Variants in TBC1D19 observed in about 807,000 individuals in gnomAD.
TBC1D19 encodes TBC1 domain family member 19.
A neutral mutation model predicts 89.0 loss-of-function variants in TBC1D19; 60 were observed. That is an observed-to-expected ratio of 0.67 (90% CI 0.55 to 0.84). The LOEUF (loss-of-function observed/expected upper bound fraction) is 0.84. Among genes scored for constraint, TBC1D19 ranks in the 40% least tolerant of loss-of-function variants. The pLI is 0.00. For synonymous variants in TBC1D19, 189 were observed against 199.7 expected, an observed-to-expected ratio of 0.95 and a Z score of 0.45; for missense variants, 500 against 610.8, an observed-to-expected ratio of 0.82 and a Z score of 1.91.
the TBC1D19 span, among the ~76,000 whole-genome samples, chr4:26,788,602 T>C: frequency 6.6e-6 from 1 of 152,192 alleles, no homozygotes; most frequent in Admixed American, 6.5e-5. Context: ...ATTAGGCCTC[T>C]TTCTGCTGCC....
chr4:26,822,623 G>A, the TBC1D19 span, among the ~76,000 whole-genome samples: 2 of 152,016 alleles, frequency 1.3e-5, no homozygotes, highest in African/African-American at 4.8e-5. Flanking sequence ...TGATTGTTTC[G>A]ACCCCTCTTG....
chr4:26,707,755 A>G (rs1715851697), intron 13 of TBC1D19, among the ~76,000 whole-genome samples: 1 of 151,918 alleles, frequency 6.6e-6, no homozygotes. Context: ...ATTATATTTA[A>G]CAACCTAAAA....
upstream of TBC1D19, among the ~76,000 whole-genome samples, chr4:26,579,920 C>A (rs551735007): frequency 6.6e-6 from 1 of 152,250 alleles, no homozygotes; most frequent in Non-Finnish European, 1.5e-5. Flanking sequence ...ATACGCTAAG[C>A]ATGGTAGAAT....
chr4:26,795,049 C>T, the TBC1D19 span, among the ~76,000 whole-genome samples: 17 of 152,314 alleles, frequency 1.1e-4, no homozygotes, highest in Middle Eastern at 6.8e-3. Context: ...TCATGCCATG[C>T]CTCTGTTCAG....
chr4:26,588,882 A>G (rs1240547773), intron 1 of TBC1D19, among the ~76,000 whole-genome samples: 2 of 152,208 alleles, frequency 1.3e-5, no homozygotes, highest in African/African-American at 4.8e-5. Context: ...TAGGTCTAGT[A>G]GGCAATTTTG....
the TBC1D19 span, among the ~76,000 whole-genome samples, chr4:26,826,137 A>T: frequency 6.6e-6 from 1 of 152,198 alleles, no homozygotes; most frequent in Non-Finnish European, 1.5e-5. Context: ...AGGAGGCAGA[A>T]GTTGCAGTGA....
intron 1 of TBC1D19, among the ~76,000 whole-genome samples, chr4:26,585,919 G>A (rs574249860): frequency 6.6e-6 from 1 of 151,994 alleles, no homozygotes; most frequent in South Asian, 2.1e-4. Flanking sequence ...TTCTCAACTG[G>A]GTCTTTGAAA....
intron 4 of TBC1D19, among the ~76,000 whole-genome samples, chr4:26,630,650 T>G (rs1460321098): frequency 6.6e-6 from 1 of 152,026 alleles, no homozygotes; most frequent in Non-Finnish European, 1.5e-5. Context: ...TCTCATCTCC[T>G]TTTGCTCCAG....
At chr4:26,732,504 A>T (rs1466433067) in intron 15 of TBC1D19, among the ~76,000 whole-genome samples, 1 of 152,192 alleles carries the variant, frequency 6.6e-6, no homozygotes, top group Non-Finnish European at 1.5e-5. Context: ...GGCACATCGC[A>T]GGGACACAGC....
chr4:26,749,499 T>C (rs1718836818), intron 19 of TBC1D19, among the ~76,000 whole-genome samples: 1 of 143,010 alleles, frequency 7.0e-6, no homozygotes, highest in Non-Finnish European at 1.5e-5. Context: ...CAACCTGGGG[T>C]ACAGTGGCAT....
At chr4:26,699,942 A>G (rs1715173297) in intron 13 of TBC1D19, among the ~76,000 whole-genome samples, 1 of 152,076 alleles carries the variant, frequency 6.6e-6, no homozygotes, top group Admixed American at 6.6e-5. Context: ...CAGCAAACCA[A>G]CATGGCACAT....
At chr4:26,825,388 C>T in the TBC1D19 span, among the ~76,000 whole-genome samples, 4 of 152,152 alleles carry the variant, frequency 2.6e-5, no homozygotes, top group Admixed American at 6.5e-5. Flanking sequence ...TGAGCCACCA[C>T]GCCTGGCTGA....
chr4:26,773,780 G>T, the TBC1D19 span, among the ~76,000 whole-genome samples: 2 of 152,178 alleles, frequency 1.3e-5, no homozygotes, highest in Non-Finnish European at 2.9e-5. Context: ...GTTTGTAGGT[G>T]TGTGGTCTTA....
chr4:26,685,878 G>A (rs1713768896), intron 12 of TBC1D19, among the ~76,000 whole-genome samples: 1 of 152,180 alleles, frequency 6.6e-6, no homozygotes, highest in Admixed American at 6.5e-5. Flanking sequence ...CTAAAAAAAA[G>A]TAAGGAGTGC....
chr4:26,852,488 T>G, the TBC1D19 span, among the ~76,000 whole-genome samples: 20 of 152,200 alleles, frequency 1.3e-4, no homozygotes, highest in Admixed American at 2.0e-4. Flanking sequence ...GCCCGAGAAG[T>G]CAAGGCTGCA....
intron 11 of TBC1D19, among the ~76,000 whole-genome samples, chr4:26,676,674 G>A (rs1206198552): frequency 1.0e-4 from 15 of 150,074 alleles, no homozygotes; most frequent in East Asian, 2.0e-4. Flanking sequence ...AGCAGAGATC[G>A]CGCCACTGCA....
At chr4:26,681,557 A>T (rs533514447) in intron 11 of TBC1D19, among the ~76,000 whole-genome samples, 300 of 151,714 alleles carry the variant, frequency 2.0e-3, no homozygotes, top group East Asian at 2.7e-3. Context: ...TCTCAAAAAA[A>T]ATATATATAT....
intron 7 of TBC1D19, among the ~76,000 whole-genome samples, chr4:26,657,673 A>G (rs1364699692): frequency 6.6e-6 from 1 of 152,150 alleles, no homozygotes; most frequent in East Asian, 1.9e-4. Context: ...TGTCTTCCAC[A>G]ATGGTTGAAC....
At chr4:26,659,552 A>T in intron 7 of TBC1D19, 45 bp from the exon 8 acceptor site, 5 of 1,303,822 alleles carry the variant, frequency 3.8e-6, no homozygotes, top group Non-Finnish European at 4.4e-6. Context: ...AAGTGTAAAC[A>T]TCCTGGAAAG....
Sources: allele counts gnomAD v4.1 joint callset (sites outside exome capture counted in the v4.1 genomes callset), GRCh38; gene constraint gnomAD v4.1.1; transcripts MANE v1.5; gene names NCBI Gene and HGNC (gene_info 2026-07-23, HGNC 2026-07-21).